Variants in CYP7B1 observed in about 807,000 individuals in gnomAD.
CYP7B1 encodes cytochrome P450 family 7 subfamily B member 1.
A neutral mutation model predicts 42.7 loss-of-function variants in CYP7B1; 29 were observed. That is an observed-to-expected ratio of 0.68 (90% CI 0.51 to 0.93). The LOEUF (loss-of-function observed/expected upper bound fraction) is 0.93. CYP7B1 is among the 40% of genes least tolerant of loss of function. The pLI, the probability that CYP7B1 is intolerant of heterozygous loss-of-function variation, is 0.00. For synonymous variants in CYP7B1, 235 were observed against 218.2 expected (o/e 1.08, Z -0.68); for missense variants, 655 against 600.5 (o/e 1.09, Z -0.95).
At chr8:64,675,010 G>A (rs1028243489) in intron 1 of CYP7B1, among the ~76,000 whole-genome samples, 1 of 152,024 alleles carries the variant, frequency 6.6e-6, no homozygotes, top group African/African-American at 2.4e-5. Context: ...GATACTTTCA[G>A]TCCACTGAGT....
rs987588727 is a variant in CYP7B1 at position 64,595,001 on chromosome 8, G to A, written c.*1641C>T. Among the ~76,000 whole-genome samples the A allele has an allele frequency of 6.6e-6, 1 of 152,232 alleles. No homozygotes were observed. Among genetic ancestry groups the A allele is most frequent in the Admixed American group, 6.5e-5 (1 of 15,280 alleles). On this transcript the variant is annotated 3_prime_UTR_variant, in exon 6 of 6. Transcript: ENST00000310193. Reference sequence around the variant, plus strand: ...TCAAAGACAAAGAGGACACGTTAAAGTAGTCAGAGAGAAGAGACAGACTAC... The same window carrying A: ...TCAAAGACAAAGAGGACACGTTAAAATAGTCAGAGAGAAGAGACAGACTAC...
chr8:64,689,090 T>A (rs1259356337), intron 1 of CYP7B1, among the ~76,000 whole-genome samples: 1 of 152,212 alleles, frequency 6.6e-6, no homozygotes, highest in South Asian at 2.1e-4. Flanking sequence ...ATTATTTATT[T>A]CCAAATACAT....
chr8:64,779,268 AACTG>A (rs767712407), intron 1 of CYP7B1, among the ~76,000 whole-genome samples: 1 of 152,150 alleles, frequency 6.6e-6, no homozygotes, highest in Non-Finnish European at 1.5e-5. Flanking sequence ...ATTTAAATAA[AACTG>A]ACTTTCAACC....
intron 1 of CYP7B1, among the ~76,000 whole-genome samples, chr8:64,752,984 T>TAC (rs747727793): frequency 2.7e-4 from 41 of 151,584 alleles, no homozygotes; most frequent in Non-Finnish European, 4.4e-4. Context: ...ACAGATAGCA[T>TAC]ACACACACAC....
At chr8:64,694,695 C>T (rs1806797909) in intron 1 of CYP7B1, among the ~76,000 whole-genome samples, 1 of 152,066 alleles carries the variant, frequency 6.6e-6, no homozygotes. Flanking sequence ...TTTATTTTTA[C>T]TGTATTTTGT....
chr8:64,601,085 TG>T (rs1805196308), intron 5 of CYP7B1, among the ~76,000 whole-genome samples: 1 of 152,248 alleles, frequency 6.6e-6, no homozygotes, highest in Non-Finnish European at 1.5e-5. Context: ...CTTCTTTATC[TG>T]CCATGTCATT....
chr8:64,791,173 A>T (rs938626275), intron 1 of CYP7B1, among the ~76,000 whole-genome samples: 2 of 152,122 alleles, frequency 1.3e-5, no homozygotes, highest in Admixed American at 6.6e-5. Flanking sequence ...ATAAATTTCT[A>T]TTGTTTAGAC....
intron 1 of CYP7B1, among the ~76,000 whole-genome samples, chr8:64,781,179 T>C (rs904698497): frequency 6.6e-6 from 1 of 152,142 alleles, no homozygotes; most frequent in Non-Finnish European, 1.5e-5. Context: ...ATGTTCACTT[T>C]CCATCCTGCT....
chr8:64,647,952 G>A (rs1805978945), intron 1 of CYP7B1, among the ~76,000 whole-genome samples: 1 of 152,112 alleles, frequency 6.6e-6, no homozygotes, highest in African/African-American at 2.4e-5. Context: ...TCAAAAGAAG[G>A]ATGGCTACTC....
intron 1 of CYP7B1, among the ~76,000 whole-genome samples, chr8:64,755,785 T>C (rs1347033072): frequency 6.6e-6 from 1 of 152,188 alleles, no homozygotes; most frequent in Non-Finnish European, 1.5e-5. Flanking sequence ...ATTTAAAATA[T>C]AAGAATAATT....
chr8:64,672,400 A>G (rs1474894157), intron 1 of CYP7B1, among the ~76,000 whole-genome samples: 1 of 152,148 alleles, frequency 6.6e-6, no homozygotes, highest in Non-Finnish European at 1.5e-5. Context: ...AAAGCAGAAC[A>G]AATATCCCTC....
At position 64,644,271 on chromosome 8, in the gene CYP7B1, C is replaced by CAA. The variant is rs775932351; in HGVS notation, c.123-19734_123-19733dup. Among the ~76,000 whole-genome samples the CAA allele has an allele frequency of 2.0e-4, 19 of 94,672 alleles. 1 individual carries two copies. Among genetic ancestry groups the CAA allele is most frequent in the Admixed American group, 3.4e-4 (3 of 8,848 alleles). 62.1% of individuals were successfully genotyped at this position (94,672 alleles called of 152,430 possible). A position where few individuals can be genotyped will look rare whatever the true frequency, so the allele number is the denominator to read the frequency against. ...TGGGCGACAGAGTGGGACTCCATCT[C>CAA]AAAAAAAAAAAAAAAAGAATGGCTA... On this transcript the variant is annotated intron_variant, in intron 1 of 5. Transcript: ENST00000310193.
At chr8:64,738,120 C>T (rs541961712) in intron 1 of CYP7B1, among the ~76,000 whole-genome samples, 21 of 152,264 alleles carry the variant, frequency 1.4e-4, no homozygotes, top group African/African-American at 5.1e-4. Flanking sequence ...TGTAAGTTCT[C>T]TGAGTATCTG....
chr8:64,635,016 G>C (rs1026006654), intron 1 of CYP7B1, among the ~76,000 whole-genome samples: 63 of 152,186 alleles, frequency 4.1e-4, no homozygotes, highest in African/African-American at 1.5e-3. Flanking sequence ...TGAAGGTCCT[G>C]ATGGTCTCTT....
chr8:64,756,037 T>C (rs1474724003), intron 1 of CYP7B1, among the ~76,000 whole-genome samples: 1 of 152,202 alleles, frequency 6.6e-6, no homozygotes, highest in Non-Finnish European at 1.5e-5. Context: ...GTTACATCAT[T>C]CGTCCACCTG....
intron 1 of CYP7B1, among the ~76,000 whole-genome samples, chr8:64,772,512 C>T (rs1044041336): frequency 6.6e-6 from 1 of 152,186 alleles, no homozygotes; most frequent in East Asian, 1.9e-4. Flanking sequence ...TCTGAGTCTC[C>T]AGTGCTCTGC....
At chr8:64,705,202 G>A (rs1048749287) in intron 1 of CYP7B1, among the ~76,000 whole-genome samples, 1 of 151,050 alleles carries the variant, frequency 6.6e-6, no homozygotes, top group Non-Finnish European at 1.5e-5. Context: ...AACCAGTGGA[G>A]AATATAATCT....
intron 1 of CYP7B1, among the ~76,000 whole-genome samples, chr8:64,776,308 T>C (rs1162225857): frequency 2.6e-5 from 4 of 152,186 alleles, no homozygotes; most frequent in Non-Finnish European, 5.9e-5. Flanking sequence ...TTTCCTTTTG[T>C]TGATAATTAT....
intron 1 of CYP7B1, among the ~76,000 whole-genome samples, chr8:64,720,715 G>C (rs1385270143): frequency 6.6e-6 from 1 of 152,058 alleles, no homozygotes; most frequent in Non-Finnish European, 1.5e-5. Context: ...AGACACATTA[G>C]TTCAAGAAAT....
Sources: gnomAD v4.1 joint callset for allele counts (sites outside exome capture counted in the v4.1 genomes callset) on GRCh38, gnomAD v4.1.1 for gene constraint, MANE v1.5 for transcripts, NCBI Gene and HGNC (gene_info 2026-07-23, HGNC 2026-07-21) for gene names.